PTPN21: variants seen among roughly 807,000 people sequenced by gnomAD.
PTPN21 encodes the protein tyrosine-protein phosphatase non-receptor type 21.
In PTPN21, 77 loss-of-function variants were observed where a neutral mutation model predicts 131.8. That is an observed-to-expected ratio of 0.58 (90% CI 0.49 to 0.71). The LOEUF is 0.71. PTPN21 is among the 30% of genes least tolerant of loss of function. The pLI is 0.00. For missense variants in PTPN21, 1,552 were observed against 1,527.1 expected (o/e 1.02, Z -0.27); for synonymous variants, 715 against 621.3 (o/e 1.15, Z -2.24).
At chr14:88,487,431 A>G (rs1220730120) in intron 10 of PTPN21, among the ~76,000 whole-genome samples, 1 of 152,184 alleles carries the variant, frequency 6.6e-6, no homozygotes, top group Non-Finnish European at 1.5e-5. Context: ...ATTTACCATA[A>G]TATCAAGCCT....
At chr14:88,471,116 A>G (rs2077459459) in intron 15 of PTPN21, among the ~76,000 whole-genome samples, 1 of 152,224 alleles carries the variant, frequency 6.6e-6, no homozygotes, top group Admixed American at 6.5e-5. Context: ...TAAAAACAAA[A>G]TAGTATGTGC....
At chr14:88,524,678 G>A (rs993063282) in intron 2 of PTPN21, among the ~76,000 whole-genome samples, 2 of 152,164 alleles carry the variant, frequency 1.3e-5, no homozygotes, top group Non-Finnish European at 2.9e-5. Context: ...AGGCCAAAGT[G>A]GGAGAAACTT....
In PTPN21 at chr14:88,479,593, A is replaced by G; in HGVS notation, c.1838T>C (p.Val613Ala). 1 of 1,589,508 alleles carries G rather than the reference A, an allele frequency of 6.3e-7. No homozygotes were observed. Among genetic ancestry groups the G allele is most frequent in the Non-Finnish European group, 8.5e-7 (1 of 1,173,910 alleles). ...VQTFQEDSLPVAHSLQEVSEP... is the reference protein window; with the variant it reads ...VQTFQEDSLPAAHSLQEVSEP... ...GCTGACCTCCTGCAGCGAGTGCGCC[A>G]CGGGCAGGCTGTCCTCCTGGAACGT... Residue 613 changes from valine to alanine, a missense_variant, in exon 13 of 19, where the codon GTG (valine) becomes GCG (alanine). Physicochemically the swap from Val to Ala is moderately conservative, Grantham distance 64 (BLOSUM62 0). Around this residue, in one of 4 missense-constraint regions of PTPN21, gnomAD observed 1,016 missense variants for 883.5 expected, o/e 1.15. Transcript: ENST00000556564.
chr14:88,507,058 A>G (rs2078102651), intron 4 of PTPN21, among the ~76,000 whole-genome samples: 1 of 152,098 alleles, frequency 6.6e-6, no homozygotes, highest in Admixed American at 6.6e-5. Flanking sequence ...CAAAAAAAAA[A>G]GTAACTAAAT....
rs753820879 is a variant in PTPN21 at position 88,473,755 on chromosome 14, T to C, written c.2559A>G (p.Lys853=). The C allele has an allele frequency of 1.2e-6, 2 of 1,610,446 alleles. No homozygotes were observed. Among genetic ancestry groups the C allele is most frequent in the African/African-American group, 2.7e-5 (2 of 74,502 alleles). ...RVDAKKIGPL[K]LAALNGLSLS... Reference sequence around the variant, plus strand: ...GGGAGAGTCCATTTAGGGCAGCCAGTTTAAGAGGACCAATTTTTTTTGCAT... The same window carrying C: ...GGGAGAGTCCATTTAGGGCAGCCAGCTTAAGAGGACCAATTTTTTTTGCAT... The change falls in exon 14 of 19, where the codon AAA becomes AAG. Residue 853 remains lysine, a synonymous_variant. Coordinates refer to ENST00000556564, the MANE Select transcript of PTPN21 (RefSeq NM_007039.4).
chr14:88,494,780 G>A (rs1272624780), intron 10 of PTPN21, among the ~76,000 whole-genome samples: 2 of 151,756 alleles, frequency 1.3e-5, no homozygotes, highest in Admixed American at 6.6e-5. Context: ...TTGGGAGGCT[G>A]AGGCAGGTGG....
chr14:88,482,490 G>A, intron 12 of PTPN21, among the ~76,000 whole-genome samples: 1 of 152,120 alleles, frequency 6.6e-6, no homozygotes, highest in Middle Eastern at 3.2e-3. Flanking sequence ...TGGGCGTGGT[G>A]GCGCATGCCT....
intron 2 of PTPN21, among the ~76,000 whole-genome samples, chr14:88,526,649 G>A (rs1263198825): frequency 2.1e-5 from 3 of 142,270 alleles, no homozygotes; most frequent in African/African-American, 8.0e-5. Context: ...TCATAATAAA[G>A]TAAATAATTT....
At chr14:88,535,135 T>TTA (rs1051409648) in intron 2 of PTPN21, among the ~76,000 whole-genome samples, 5 of 152,156 alleles carry the variant, frequency 3.3e-5, no homozygotes, top group South Asian at 2.1e-4. Context: ...CTCACCATTG[T>TTA]TATATATATA....
At chr14:88,520,804 T>C (rs1170502717) in intron 2 of PTPN21, among the ~76,000 whole-genome samples, 2 of 152,184 alleles carry the variant, frequency 1.3e-5, no homozygotes, top group Non-Finnish European at 1.5e-5. Flanking sequence ...GAGGATTGGA[T>C]ACGGGAAAAC....
chr14:88,553,870 G>A (rs2078894462), intron 1 of PTPN21, among the ~76,000 whole-genome samples: 1 of 152,108 alleles, frequency 6.6e-6, no homozygotes, highest in Admixed American at 6.5e-5. Context: ...AGCACTAAAA[G>A]GAGAGAGTAT....
At chr14:88,507,776 G>A in intron 4 of PTPN21, 147 bp downstream of exon 4, 1 of 461,764 alleles carries the variant, frequency 2.2e-6, no homozygotes, top group South Asian at 5.0e-5. Flanking sequence ...TTCCCAAAAG[G>A]AAGCCCCTTA....
chr14:88,531,149 TATAA>T (rs1260604573), intron 2 of PTPN21, among the ~76,000 whole-genome samples: 1 of 152,172 alleles, frequency 6.6e-6, no homozygotes, highest in African/African-American at 2.4e-5. Context: ...CTCAAAACTA[TATAA>T]ATAAATGGAA....
Position 88,468,991 on chromosome 14 carries a change from G to A in PTPN21, c.3321C>T (p.His1107=). ...CAGTCCTTCCTACCCCAGCACTGCA[G>A]TGGACCAACAACGGAGGGTTGGGGC... ...PQSPNPPLLV[H]CSAGVGRTGV... is the part of the protein sequence containing the mutation. The change falls in exon 18 of 19, where the codon CAC becomes CAT. Residue 1107 remains histidine (H), a synonymous_variant. Coordinates refer to ENST00000556564, the MANE Select transcript of PTPN21 (RefSeq NM_007039.4). 10 of 1,614,214 alleles carry A rather than the reference G, an allele frequency of 6.2e-6. No homozygotes were observed. The highest frequency in any genetic ancestry group is 8.5e-6 in the Non-Finnish European group (10 of 1,180,038).
At chr14:88,485,761 C>A in intron 11 of PTPN21, 21 bp downstream of exon 11, 1 of 1,546,268 alleles carries the variant, frequency 6.5e-7, no homozygotes, top group Non-Finnish European at 8.9e-7. Context: ...AAAAAGCAAT[C>A]ATATTTTCCT....
intron 2 of PTPN21, among the ~76,000 whole-genome samples, chr14:88,530,276 A>C (rs931416757): frequency 2.0e-5 from 3 of 152,230 alleles, no homozygotes; most frequent in African/African-American, 7.2e-5. Context: ...TGCTGAAAGG[A>C]GCTCTTAATC....
In PTPN21 at chr14:88,469,671, G is replaced by A; in HGVS notation, c.3063C>T (p.Val1021=). The A allele has an allele frequency of 1.2e-6, 2 of 1,614,172 alleles. No individual in the cohort carries two copies. Among genetic ancestry groups the A allele is most frequent in the Non-Finnish European group, 1.7e-6 (2 of 1,180,044 alleles). The part of the protein sequence containing the change: ...WPRLGSRHNT[V]TYGRFKITTR... ...TCGTGATCTTAAACCTTCCATAGGT[G>A]ACAGTGTTGTGCCTGGAACCAAGTC... is the stretch of plus-strand genomic sequence containing the variant. The change falls in exon 17 of 19, where the codon GTC becomes GTT. Residue 1021 remains valine (V), a synonymous_variant. Coordinates refer to ENST00000556564, the MANE Select transcript of PTPN21 (RefSeq NM_007039.4). The surrounding 1 kb of genome is among the most constrained non-coding windows in gnomAD (Gnocchi z 4.3).
chr14:88,468,032 C>A lies in PTPN21; in HGVS notation c.*105G>T. On this transcript the variant is annotated 3_prime_UTR_variant, in exon 19 of 19. Coordinates refer to ENST00000556564, the MANE Select transcript of PTPN21 (RefSeq NM_007039.4). ...CTGCGCCACTTACGTCCCAGTGCCACGCTGCGTGGATCAAGTGTCAACGGG... is the reference window on the plus strand; with the variant it reads ...CTGCGCCACTTACGTCCCAGTGCCAAGCTGCGTGGATCAAGTGTCAACGGG... 1.4e-6 allele frequency: 2 copies of A among 1,411,412 alleles called. No homozygotes were observed. Among genetic ancestry groups the A allele is most frequent in the Non-Finnish European group, 2.0e-6 (2 of 1,008,146 alleles). The allele number at this position is 1,411,412 out of a possible 1,614,324, so 87.4% of individuals were successfully genotyped here.
chr14:88,518,273 T>TATATATATATAC lies in PTPN21; in HGVS notation c.181-1013_181-1012insGTATATATATAT, dbSNP rs763756368. On this transcript the variant is annotated intron_variant, in intron 2 of 18. Transcript: ENST00000556564. The stretch of plus-strand genomic sequence containing the variant: ...AAAAAAAAATATATATATATATATA[T>TATATATATATAC]ACACACACACATACGCACACACACA... 8.5e-4 allele frequency among the ~76,000 whole-genome samples: 58 copies of TATATATATATAC among 68,216 alleles called. 1 individual carries two copies. Among genetic ancestry groups the TATATATATATAC allele is most frequent in the African/African-American group, 4.1e-3 (57 of 13,820 alleles). The allele number at this position is 68,216 out of a possible 152,430, so 44.8% of individuals were successfully genotyped here. A position where few individuals can be genotyped will look rare whatever the true frequency, so the allele number is the denominator to read the frequency against.
Sources: allele counts gnomAD v4.1 joint callset (sites outside exome capture counted in the v4.1 genomes callset), GRCh38; gene constraint gnomAD v4.1.1; regional missense constraint gnomAD v4.1.1; non-coding constraint Gnocchi (gnomAD v3.1); transcripts MANE v1.5; gene names NCBI Gene and HGNC (gene_info 2026-07-23, HGNC 2026-07-21).